PPP4R2: variants seen among roughly 807,000 people sequenced by gnomAD.
PPP4R2 encodes the protein protein phosphatase 4 regulatory subunit 2, also known as serine/threonine-protein phosphatase 4 regulatory subunit 2.
A neutral mutation model predicts 47.2 loss-of-function variants in PPP4R2; 13 were observed. That is an observed-to-expected ratio of 0.28 (90% CI 0.18 to 0.44). The LOEUF (loss-of-function observed/expected upper bound fraction) is 0.44, where lower values mean the gene tolerates loss of function less well. PPP4R2 is among the 20% of genes least tolerant of loss of function. PPP4R2 has a pLI of 1.00. For missense variants in PPP4R2, 421 were observed against 491.2 expected (o/e 0.86, Z 1.35); for synonymous variants, 151 against 163.3 (o/e 0.92, Z 0.57).
chr3:73,004,522 C>T (rs1444871268), intron 2 of PPP4R2, among the ~76,000 whole-genome samples: 1 of 152,140 alleles, frequency 6.6e-6, no homozygotes, highest in Admixed American at 6.5e-5. Flanking sequence ...GTGATGCAAT[C>T]TTGGTTCACT....
chr3:73,015,271 C>T (rs926537668), intron 2 of PPP4R2, among the ~76,000 whole-genome samples: 10 of 152,014 alleles, frequency 6.6e-5, no homozygotes, highest in African/African-American at 2.4e-4. Context: ...CCTCTGCCTC[C>T]CTGGTTCAAG....
chr3:73,014,909 G>A, intron 2 of PPP4R2: 1 of 669,846 alleles, frequency 1.5e-6, no homozygotes, highest in Non-Finnish European at 2.7e-6. Context: ...TTGCTGTGTT[G>A]CCCAGGCTGG....
At chr3:73,020,712 GAGAC>G (rs936293053) in intron 2 of PPP4R2, among the ~76,000 whole-genome samples, 1 of 147,552 alleles carries the variant, frequency 6.8e-6, no homozygotes, top group Admixed American at 6.7e-5. Context: ...TTTTTTTGTA[GAGAC>G]AGGGTGTTGC....
chr3:73,032,183 G>A (rs770881033), intron 2 of PPP4R2, among the ~76,000 whole-genome samples: 1 of 152,090 alleles, frequency 6.6e-6, no homozygotes, highest in African/African-American at 2.4e-5. Context: ...TCACAAAAAA[G>A]TCTGTGTACT....
chr3:73,063,932 C>T, intron 6 of PPP4R2, 71 bp from the exon 7 acceptor site: 1 of 1,344,256 alleles, frequency 7.4e-7, no homozygotes, highest in East Asian at 2.3e-5. Flanking sequence ...GTGATGTATT[C>T]ACATCAACAT....
intron 2 of PPP4R2, among the ~76,000 whole-genome samples, chr3:73,004,105 G>C (rs1701542711): frequency 6.6e-6 from 1 of 152,108 alleles, no homozygotes; most frequent in South Asian, 2.1e-4. Context: ...CAAAGTGTTG[G>C]GATTACAGGC....
intron 2 of PPP4R2, among the ~76,000 whole-genome samples, chr3:73,031,705 A>T (rs1040148587): frequency 6.6e-6 from 1 of 152,178 alleles, no homozygotes; most frequent in Non-Finnish European, 1.5e-5. Flanking sequence ...GAGAATGCCA[A>T]TATAAGCCCA....
At chr3:73,002,939 G>A (rs376158238) in intron 2 of PPP4R2, among the ~76,000 whole-genome samples, 60 of 151,982 alleles carry the variant, frequency 3.9e-4, no homozygotes, top group African/African-American at 1.4e-3. Flanking sequence ...ACTGCGCCTG[G>A]CCCAGGGTTT....
intron 4 of PPP4R2, among the ~76,000 whole-genome samples, chr3:73,059,708 G>A (rs950957300): frequency 2.6e-4 from 39 of 152,068 alleles, no homozygotes; most frequent in Admixed American, 2.6e-4. Context: ...GGAGGCTGAG[G>A]TGGGTGGATC....
chr3:73,004,356 T>G (rs1426406252), intron 2 of PPP4R2, among the ~76,000 whole-genome samples: 2 of 152,232 alleles, frequency 1.3e-5, no homozygotes, highest in Non-Finnish European at 2.9e-5. Flanking sequence ...CCTTTAATCT[T>G]GAAGGTCACT....
At chr3:73,064,228 T>G in intron 7 of PPP4R2, 82 bp downstream of exon 7, 1 of 1,220,628 alleles carries the variant, frequency 8.2e-7, no homozygotes, top group Admixed American at 2.7e-5. Context: ...ACTTACTATT[T>G]ATAAGTTCTG....
intron 2 of PPP4R2, among the ~76,000 whole-genome samples, chr3:73,021,393 C>T (rs540629127): frequency 7.2e-5 from 11 of 151,904 alleles, no homozygotes; most frequent in African/African-American, 1.9e-4. Flanking sequence ...AACACCATGC[C>T]TGGCTAATTT....
chr3:73,000,190 T>G (rs924894030), intron 2 of PPP4R2, among the ~76,000 whole-genome samples: 2 of 152,170 alleles, frequency 1.3e-5, no homozygotes, highest in African/African-American at 4.8e-5. Context: ...TTAAGTTACC[T>G]GAGTGTGTTG....
At chr3:73,048,851 T>C (rs929315711) in intron 3 of PPP4R2, among the ~76,000 whole-genome samples, 2 of 152,230 alleles carry the variant, frequency 1.3e-5, no homozygotes, top group Admixed American at 6.5e-5. Flanking sequence ...TTCCACTGTT[T>C]TTAGGTTTAA....
chr3:73,055,848 C>T (rs576357421), intron 3 of PPP4R2, among the ~76,000 whole-genome samples: 3 of 152,088 alleles, frequency 2.0e-5, no homozygotes, highest in Non-Finnish European at 2.9e-5. Flanking sequence ...CTCAGGGGAT[C>T]GCCTGCTTCG....
At chr3:73,061,876 T>C in intron 5 of PPP4R2, 1 of 497,904 alleles carries the variant, frequency 2.0e-6, no homozygotes, top group Admixed American at 4.0e-5. Context: ...TCAATTTGTT[T>C]TTAGAATGTT....
intron 2 of PPP4R2, among the ~76,000 whole-genome samples, chr3:73,021,084 C>G (rs1701950344): frequency 6.6e-6 from 1 of 151,928 alleles, no homozygotes; most frequent in Non-Finnish European, 1.5e-5. Flanking sequence ...TGGTTAAATT[C>G]AGGTATGGAT....
At position 73,065,505 on chromosome 3, in the gene PPP4R2, T is replaced by G; in HGVS notation, c.1037T>G (p.Met346Arg). The G allele has an allele frequency of 6.2e-7, 1 of 1,611,826 alleles. No individual in the cohort carries two copies. Reference sequence around the variant, plus strand: ...GAGACTTCTGAGGAAAATAATCAAATGGAGGAATCTGATGTGTCTCAAGCT... The same window carrying G: ...GAGACTTCTGAGGAAAATAATCAAAGGGAGGAATCTGATGTGTCTCAAGCT... ...NEETSEENNQMEESDVSQAEK... is the reference protein window; with the variant it reads ...NEETSEENNQREESDVSQAEK... The change falls in exon 9 of 9, where the codon ATG (methionine) becomes AGG (arginine). Residue 346 changes from methionine (M) to arginine (R), a missense_variant. Physicochemically the swap from Met to Arg is moderately conservative, Grantham distance 91. This residue lies in a region of PPP4R2 where 317 missense variants were observed against 287.5 expected (regional missense o/e 1.10). Transcript: ENST00000356692.
intron 2 of PPP4R2, among the ~76,000 whole-genome samples, chr3:73,036,169 T>C (rs894141325): frequency 6.6e-6 from 1 of 152,164 alleles, no homozygotes; most frequent in Non-Finnish European, 1.5e-5. Context: ...TCACATGTTC[T>C]CATGCATTAT....
Sources: gnomAD v4.1 joint callset for allele counts (sites outside exome capture counted in the v4.1 genomes callset) on GRCh38, gnomAD v4.1.1 for gene constraint, gnomAD v4.1.1 regional missense constraint, MANE v1.5 for transcripts, NCBI Gene and HGNC (gene_info 2026-07-23, HGNC 2026-07-21) for gene names.